Variants in ZIC5 observed in about 807,000 individuals in gnomAD.
ZIC5 encodes Zic family zinc finger 5.
ZIC5 carries 20 observed loss-of-function variants against 28.5 expected under a neutral mutation model. The observed-to-expected ratio is 0.70, with a 90% CI of 0.49 to 1.02. The LOEUF (loss-of-function observed/expected upper bound fraction) is 1.02, where lower values mean the gene tolerates loss of function less well. Ranked by LOEUF, ZIC5 falls within the 50% of genes least tolerant of loss-of-function variation. The pLI is 0.00. For missense variants in ZIC5, 951 were observed against 899.7 expected (o/e 1.06, Z -0.73); for synonymous variants, 488 against 410.4 (o/e 1.19, Z -2.29).
At chr13:99,968,468 G>A (rs1457381164) in intron 1 of ZIC5, among the ~76,000 whole-genome samples, 2 of 152,022 alleles carry the variant, frequency 1.3e-5, no homozygotes, top group Admixed American at 6.5e-5. Context: ...CGCGTGCCCC[G>A]GGAAGCCACC....
chr13:99,968,672 C>T (rs888176448), intron 1 of ZIC5, among the ~76,000 whole-genome samples: 2 of 152,198 alleles, frequency 1.3e-5, no homozygotes, highest in Non-Finnish European at 2.9e-5. Flanking sequence ...GCTTCACGGT[C>T]CCTGGATCCT....
chr13:99,966,051 C>A (rs1364407852), intron 1 of ZIC5, among the ~76,000 whole-genome samples: 1 of 152,152 alleles, frequency 6.6e-6, no homozygotes, highest in Admixed American at 6.5e-5. Context: ...TCAGGCCCTG[C>A]AGTCCCAGAG....
Position 99,970,576 on chromosome 13 carries a change from G to C in ZIC5, c.1028C>G (p.Ala343Gly). The part of the protein sequence containing the change: ...PPAPPPPPAP[A>G]QHPHQHHPHL... Reference sequence around the variant, plus strand: ...GGGGTGGTGCTGGTGCGGGTGCTGCGCGGGCGCCGGCGGCGGCGGCGGCGC... The same window carrying C: ...GGGGTGGTGCTGGTGCGGGTGCTGCCCGGGCGCCGGCGGCGGCGGCGGCGC... Residue 343 changes from alanine (A) to glycine (G), a missense_variant, in exon 1 of 2, where the codon GCG (alanine) becomes GGG (glycine). By Grantham distance (60) the Ala-to-Gly change is moderately conservative. Around this residue, in one of 3 missense-constraint regions of ZIC5, gnomAD observed 784 missense variants for 660.1 expected, o/e 1.19. Coordinates refer to ENST00000267294, the MANE Select transcript of ZIC5 (RefSeq NM_033132.5). The C allele has an allele frequency of 2.0e-6, 2 of 1,005,402 alleles. No homozygotes were observed. The highest frequency in any genetic ancestry group is 3.5e-5 in the African/African-American group (2 of 57,174). 62.3% of individuals were successfully genotyped at this position (1,005,402 alleles called of 1,614,324 possible). A position where few individuals can be genotyped will look rare whatever the true frequency, so the allele number is the denominator to read the frequency against.
rs71114653 is a variant in ZIC5, at chr13:99,970,413, TGGC to T, written c.1188_1190del (p.Pro400del). On this transcript the variant is annotated inframe_deletion, in exon 1 of 2. Coordinates refer to ENST00000267294, the MANE Select transcript of ZIC5 (RefSeq NM_033132.5). ...GCTTGGCGCCGCCGGCCGGGGGCGG[TGGC>T]GGCGGCGGCGGCGGCGGCGGCGGCG... 221,736 of 1,099,906 alleles carry T rather than the reference TGGC, an allele frequency of 0.2. 26,305 individuals carry two copies. The highest frequency in any genetic ancestry group is 0.63 in the African/African-American group (33,689 of 53,348). The allele number at this position is 1,099,906 out of a possible 1,614,324, so 68.1% of individuals were successfully genotyped here.
In ZIC5 at chr13:99,964,239, T is replaced by C. The variant is rs1450818724; in HGVS notation, c.*1138A>G. 6.6e-6 allele frequency: 1 copy of C among 152,190 alleles called. No individual in the cohort carries two copies. Among genetic ancestry groups the C allele is most frequent in the Non-Finnish European group, 1.5e-5 (1 of 68,030 alleles). 9.4% of individuals were successfully genotyped at this position (152,190 alleles called of 1,614,324 possible). A position where few individuals can be genotyped will look rare whatever the true frequency, so the allele number is the denominator to read the frequency against. On this transcript the variant is annotated 3_prime_UTR_variant, in exon 2 of 2. Transcript: ENST00000267294. ...TGCTCAGTGCTCAGGTGGAAGAAAA[T>C]GCATTAAAATGCAGTTTCAGGCATT...
Position 99,970,801 on chromosome 13 carries a change from G to T in ZIC5, c.803C>A (p.Ala268Glu). 1 of 1,201,972 alleles carries T rather than the reference G, an allele frequency of 8.3e-7. No homozygotes were observed. The highest frequency in any genetic ancestry group is 1.0e-6 in the Non-Finnish European group (1 of 972,980). The allele number at this position is 1,201,972 out of a possible 1,614,324, so 74.5% of individuals were successfully genotyped here. ...RLGLAAAAAA[A>E]AAELYGRAEP... is the part of the protein sequence containing the mutation. ...GGCGCGGCCGTACAGCTCAGCCGCC[G>T]CGGCTGCCGCTGCCGCCGCCAGCCC... Residue 268 changes from alanine to glutamate, a missense_variant, in exon 1 of 2, where the codon GCG (alanine) becomes GAG (glutamate). Coordinates refer to ENST00000267294, the MANE Select transcript of ZIC5 (RefSeq NM_033132.5).
Position 99,971,038 on chromosome 13 carries a change from T to G in ZIC5, c.566A>C (p.His189Pro). 1.4e-6 allele frequency: 2 copies of G among 1,421,718 alleles called. No homozygotes were observed. The highest frequency in any genetic ancestry group is 1.8e-6 in the Non-Finnish European group (2 of 1,100,170). The allele number at this position is 1,421,718 out of a possible 1,614,324, so 88.1% of individuals were successfully genotyped here. A position where few individuals can be genotyped will look rare whatever the true frequency, so the allele number is the denominator to read the frequency against. ...CTGCTCCCCTCCGAGCGGGGCCCCG[T>G]GCATGGCCGCCGCGGGGGCCGTGGC... Reference protein sequence around the residue: ...LSATAPAAAMHGAPLGGEQRS... With the variant: ...LSATAPAAAMPGAPLGGEQRS... Residue 189 changes from histidine (H) to proline (P), a missense_variant, in exon 1 of 2, where the codon CAC (histidine) becomes CCC (proline). Physicochemically the swap from His to Pro is moderately conservative, Grantham distance 77. Transcript: ENST00000267294.
At chr13:99,967,320 A>C (rs1400624705) in intron 1 of ZIC5, among the ~76,000 whole-genome samples, 1 of 152,282 alleles carries the variant, frequency 6.6e-6, no homozygotes, top group African/African-American at 2.4e-5. Flanking sequence ...ATTAGACATT[A>C]TTCAAATATG....
intron 1 of ZIC5, among the ~76,000 whole-genome samples, chr13:99,968,401 C>A (rs1156803148): frequency 1.3e-5 from 2 of 152,146 alleles, no homozygotes; most frequent in Non-Finnish European, 2.9e-5. Context: ...ACCCAAATGA[C>A]CGCGGGTCCC....
intron 1 of ZIC5, among the ~76,000 whole-genome samples, chr13:99,966,889 C>T (rs1289416577): frequency 1.3e-5 from 2 of 152,206 alleles, no homozygotes; most frequent in Non-Finnish European, 2.9e-5. Context: ...AACAGTCTAA[C>T]TGAATTTTCC....
intron 1 of ZIC5, 41 bp from the exon 2 acceptor site, chr13:99,965,860 G>C: frequency 1.3e-6 from 2 of 1,568,592 alleles, no homozygotes; most frequent in Non-Finnish European, 1.7e-6. Flanking sequence ...GGCTTTCCAA[G>C]ACCCCTCTCT....
rs571027450 is a variant in ZIC5 at position 99,968,409 on chromosome 13, C to T, written c.1477+1718G>A. On this transcript the variant is annotated intron_variant, in intron 1 of 1. Transcript: ENST00000267294. Reference sequence around the variant, plus strand: ...GCCAAAAACCCAAATGACCGCGGGTCCCCTCGCCGCCTGGGGTCCCCCGCG... The same window carrying T: ...GCCAAAAACCCAAATGACCGCGGGTTCCCTCGCCGCCTGGGGTCCCCCGCG... Among the ~76,000 whole-genome samples, 3 of 152,246 alleles carry T rather than the reference C, an allele frequency of 2.0e-5. No homozygotes were observed. The South Asian group carries it at 6.2e-4, about 32-fold the overall frequency.
Position 99,970,635 on chromosome 13 carries a change from G to C in ZIC5, c.969C>G (p.Pro323=), listed in dbSNP as rs1328330678. Residue 323 remains proline, a synonymous_variant, in exon 1 of 2, where the codon CCC becomes CCG. Coordinates refer to ENST00000267294, the MANE Select transcript of ZIC5 (RefSeq NM_033132.5). Reference sequence around the variant, plus strand: ...GCGCGTGGTGCTGCAGGTGGGGCCCGGGCCCGGCCGCTGCTGCGGCCGCCG... The same window carrying C: ...GCGCGTGGTGCTGCAGGTGGGGCCCCGGCCCGGCCGCTGCTGCGGCCGCCG... ...AAAAAAAAAG[P]GPHLQHHAPP... is the part of the protein sequence containing the mutation. The C allele has an allele frequency of 1.8e-6, 2 of 1,106,428 alleles. No individual in the cohort carries two copies. Among genetic ancestry groups the C allele is most frequent in the Non-Finnish European group, 2.2e-6 (2 of 905,226 alleles). The allele number at this position is 1,106,428 out of a possible 1,614,324, so 68.5% of individuals were successfully genotyped here.
In ZIC5 at chr13:99,963,020, C is replaced by A. The variant is rs1420946828; in HGVS notation, c.*2357G>T. On this transcript the variant is annotated 3_prime_UTR_variant, in exon 2 of 2. Coordinates refer to ENST00000267294, the MANE Select transcript of ZIC5 (RefSeq NM_033132.5). ...GATATGCCATTATGTAAAACATAAG[C>A]AATAATAACAAGAATACCTTTATTA... The A allele has an allele frequency of 6.6e-6, 1 of 152,244 alleles. No individual in the cohort carries two copies. The highest frequency in any genetic ancestry group is 2.4e-5 in the African/African-American group (1 of 41,534). The allele number at this position is 152,244 out of a possible 1,614,324, so 9.4% of individuals were successfully genotyped here. A position where few individuals can be genotyped will look rare whatever the true frequency, so the allele number is the denominator to read the frequency against.
intron 1 of ZIC5, among the ~76,000 whole-genome samples, chr13:99,966,886 T>G (rs566305945): frequency 6.6e-6 from 1 of 152,222 alleles, no homozygotes; most frequent in East Asian, 1.9e-4. Flanking sequence ...GGTAACAGTC[T>G]AACTGAATTT....
At position 99,965,534 on chromosome 13, in the gene ZIC5, G is replaced by A; in HGVS notation, c.1763C>T (p.Thr588Ile). The A allele has an allele frequency of 6.2e-7, 1 of 1,613,642 alleles. No individual in the cohort carries two copies. The highest frequency in any genetic ancestry group is 8.5e-7 in the Non-Finnish European group (1 of 1,179,732). The change falls in exon 2 of 2, where the codon ACT becomes ATT. Residue 588 changes from threonine to isoleucine, a missense_variant. By Grantham distance (89) the Thr-to-Ile change is moderately conservative. This residue lies in a region of ZIC5 where 108 missense variants were observed against 118.4 expected (regional missense o/e 0.91). Transcript: ENST00000267294. ...VLDPARSHSS[T>I]LSPQVTNLNE... Reference sequence around the variant, plus strand: ...GAGGTTGGTCACCTGAGGGGACAGAGTGCTGGAGTGACTCCTGGCTGGGTC... The same window carrying A: ...GAGGTTGGTCACCTGAGGGGACAGAATGCTGGAGTGACTCCTGGCTGGGTC...
chr13:99,971,636 C>CT lies in ZIC5; in HGVS notation c.-34dup. The CT allele has an allele frequency of 6.4e-7, 1 of 1,560,710 alleles. No homozygotes were observed. Among genetic ancestry groups the CT allele is most frequent in the Non-Finnish European group, 8.7e-7 (1 of 1,151,118 alleles). Reference sequence around the variant, plus strand: ...ACACAATCAGGCCCATAGACCCTCACTGGGGGGACTTTATTCCCTCTGCCC... The same window carrying CT: ...ACACAATCAGGCCCATAGACCCTCACTTGGGGGGACTTTATTCCCTCTGCCC... On this transcript the variant is annotated 5_prime_UTR_variant, in exon 1 of 2. The change creates a premature stop within an existing upstream ORF in the 5' untranslated region. Transcript: ENST00000267294.
At position 99,970,709 on chromosome 13, in the gene ZIC5, C is replaced by T. The variant is rs2053147891; in HGVS notation, c.895G>A (p.Ala299Thr). ...TTCACGGCTCCGTAGCCGTGCAGGGCGGCCGCCGCTGCGGCCGCAACCGCC... is the reference window on the plus strand; with the variant it reads ...TTCACGGCTCCGTAGCCGTGCAGGGTGGCCGCCGCTGCGGCCGCAACCGCC... ...YGAVAAAAAAALHGYGAVNLN... is the reference protein window; with the variant it reads ...YGAVAAAAAATLHGYGAVNLN... Residue 299 changes from alanine to threonine, a missense_variant, in exon 1 of 2, where the codon GCC (alanine) becomes ACC (threonine). Coordinates refer to ENST00000267294, the MANE Select transcript of ZIC5 (RefSeq NM_033132.5). The T allele has an allele frequency of 9.3e-6, 11 of 1,184,430 alleles. No homozygotes were observed. Among genetic ancestry groups the T allele is most frequent in the Non-Finnish European group, 1.2e-5 (11 of 954,258 alleles). 73.4% of individuals were successfully genotyped at this position (1,184,430 alleles called of 1,614,324 possible). A position where few individuals can be genotyped will look rare whatever the true frequency, so the allele number is the denominator to read the frequency against.
At position 99,965,553 on chromosome 13, in the gene ZIC5, C is replaced by A. The variant is rs761850472; in HGVS notation, c.1744G>T (p.Ala582Ser). ...GACAGAGTGCTGGAGTGACTCCTGG[C>A]TGGGTCCAGCACAGGGGACAAGGGG... is the stretch of plus-strand genomic sequence containing the variant. ...GAPLSPVLDP[A>S]RSHSSTLSPQ... The change falls in exon 2 of 2, where the codon GCC (alanine) becomes TCC (serine). Residue 582 changes from alanine to serine, a missense_variant. This residue lies in a region of ZIC5 where 108 missense variants were observed against 118.4 expected (regional missense o/e 0.91). Transcript: ENST00000267294. 22 of 1,613,190 alleles carry A rather than the reference C, an allele frequency of 1.4e-5. No individual in the cohort carries two copies. Among genetic ancestry groups the A allele is most frequent in the Non-Finnish European group, 1.6e-5 (19 of 1,179,534 alleles).
Sources: gnomAD v4.1 joint callset for allele counts (sites outside exome capture counted in the v4.1 genomes callset) on GRCh38, gnomAD v4.1.1 for gene constraint, gnomAD v4.1.1 regional missense constraint, MANE v1.5 for transcripts, NCBI Gene and HGNC (gene_info 2026-07-23, HGNC 2026-07-21) for gene names.